INPP5A: variants seen among roughly 807,000 people sequenced by gnomAD.
INPP5A encodes the protein inositol polyphosphate-5-phosphatase A, also known as 43 kDa inositol polyphosphate 5-phophatase.
A neutral mutation model predicts 65.2 loss-of-function variants in INPP5A; 14 were observed. The observed-to-expected ratio is 0.21, with a 90% CI of 0.14 to 0.34. The LOEUF is 0.34. INPP5A is among the 10% of genes least tolerant of loss of function. The pLI is 1.00. For synonymous variants in INPP5A, 207 were observed against 208.3 expected, an observed-to-expected ratio of 0.99 and a Z score of 0.05; for missense variants, 431 against 545.6, an observed-to-expected ratio of 0.79 and a Z score of 2.09.
chr10:132,662,831 G>A (rs1011067885), intron 4 of INPP5A, among the ~76,000 whole-genome samples: 45 of 152,204 alleles, frequency 3.0e-4, no homozygotes, highest in African/African-American at 8.0e-4. Flanking sequence ...GTGTCAAGGG[G>A]CGAAGGGACC....
At chr10:132,735,431 G>A (rs1590968926) in intron 9 of INPP5A, among the ~76,000 whole-genome samples, 2 of 152,258 alleles carry the variant, frequency 1.3e-5, no homozygotes, top group Non-Finnish European at 2.9e-5. Flanking sequence ...AGTGTTCTGG[G>A]AATGCTGGAG....
Position 132,603,594 on chromosome 10 carries a change from TAAG to T in INPP5A, c.76-4318_76-4316del, listed in dbSNP as rs1413614250. Among the ~76,000 whole-genome samples, 1 of 152,232 alleles carries T rather than the reference TAAG, an allele frequency of 6.6e-6. No individual in the cohort carries two copies. Among genetic ancestry groups the T allele is most frequent in the Non-Finnish European group, 1.5e-5 (1 of 68,032 alleles). On this transcript the variant is annotated intron_variant, in intron 1 of 15. Transcript: ENST00000368594. This position sits in a 1 kb window ranked among gnomAD's most constrained non-coding sequence, Gnocchi z 4.2. ...TAAAGCTCTACAATTCCTCTAAGGATAAGAAAACTTTTCTAAACTTGAAGAATG... is the reference window on the plus strand; with the variant it reads ...TAAAGCTCTACAATTCCTCTAAGGATAAAACTTTTCTAAACTTGAAGAATG...
chr10:132,603,336 C>T lies in INPP5A; in HGVS notation c.76-4579C>T, dbSNP rs986363849. Among the ~76,000 whole-genome samples, 1 of 152,156 alleles carries T rather than the reference C, an allele frequency of 6.6e-6. No homozygotes were observed. The highest frequency in any genetic ancestry group is 1.5e-5 in the Non-Finnish European group (1 of 68,030). ...TTTTATAAGGTCTGTTTCTCCCTTC[C>T]CTTCAGAATATGCACTATAGAAAAT... On this transcript the variant is annotated intron_variant, in intron 1 of 15. Transcript: ENST00000368594. This position sits in a 1 kb window ranked among gnomAD's most constrained non-coding sequence, Gnocchi z 4.2.
Position 132,594,308 on chromosome 10 carries a change from C to T in INPP5A, c.76-13607C>T, listed in dbSNP as rs146245190. 7.9e-5 allele frequency among the ~76,000 whole-genome samples: 12 copies of T among 152,322 alleles called. No individual in the cohort carries two copies. The East Asian group carries it at 2.3e-3, about 29-fold the overall frequency. The stretch of plus-strand genomic sequence containing the variant: ...ATGCAATAAAAAAACTGTTCAGTCA[C>T]CAGTAGCCTCATTTAAAGGACAGAC... On this transcript the variant is annotated intron_variant, in intron 1 of 15. Transcript: ENST00000368594.
intron 9 of INPP5A, 147 bp from the exon 10 acceptor site, chr10:132,749,370 C>A: frequency 1.5e-6 from 1 of 680,956 alleles, no homozygotes; most frequent in Non-Finnish European, 2.5e-6. Flanking sequence ...CGGGAGTGGC[C>A]CCTGACCCCA....
At position 132,690,094 on chromosome 10, in the gene INPP5A, G is replaced by A. The variant is rs113467636; in HGVS notation, c.307-298G>A. ...CTGCGCCCCTGCTGGAGCCAGCACC[G>A]GCTGCACGGCTCACCTGGGAAGGGT... On this transcript the variant is annotated intron_variant, in intron 4 of 15. Transcript: ENST00000368594. Among the ~76,000 whole-genome samples the A allele has an allele frequency of 3.6e-3, 552 of 152,124 alleles. 3 individuals are homozygous for A. The highest frequency in any genetic ancestry group is 0.013 in the African/African-American group (533 of 41,426).
rs117902094 is a variant in INPP5A at position 132,547,515 on chromosome 10, C to T, written c.75+9344C>T. Among the ~76,000 whole-genome samples, 2,485 of 152,236 alleles carry T rather than the reference C, an allele frequency of 0.016. 23 individuals carry two copies. Among genetic ancestry groups the T allele is most frequent in the Middle Eastern group, 0.041 (12 of 294 alleles). ...GTGAATATAACCGGGAGGGAGTGCC[C>T]GCCTCTGCCCACCTGCCTGGCATCT... On this transcript the variant is annotated intron_variant, in intron 1 of 15. Transcript: ENST00000368594. The surrounding 1 kb of genome is among the most constrained non-coding windows in gnomAD (Gnocchi z 5.5).
rs1035119197 is a variant in INPP5A at position 132,550,398 on chromosome 10, G to A, written c.75+12227G>A. 2.6e-5 allele frequency among the ~76,000 whole-genome samples: 4 copies of A among 152,200 alleles called. No individual in the cohort carries two copies. Among genetic ancestry groups the A allele is most frequent in the Non-Finnish European group, 5.9e-5 (4 of 68,024 alleles). ...TTTGGGAGTCCAGGTGCAGGTCTCAGCAGCAACTCTGAGGTTCTGCATAGC... is the reference window on the plus strand; with the variant it reads ...TTTGGGAGTCCAGGTGCAGGTCTCAACAGCAACTCTGAGGTTCTGCATAGC... On this transcript the variant is annotated intron_variant, in intron 1 of 15. Coordinates refer to ENST00000368594, the MANE Select transcript of INPP5A (RefSeq NM_005539.5). This position sits in a 1 kb window ranked among gnomAD's most constrained non-coding sequence, Gnocchi z 4.2.
chr10:132,758,356 C>T (rs1205499039), intron 11 of INPP5A, among the ~76,000 whole-genome samples: 4 of 134,600 alleles, frequency 3.0e-5, no homozygotes, highest in South Asian at 5.0e-4. Flanking sequence ...CGTGGGTCCC[C>T]GGCCGACCCC....
intron 4 of INPP5A, among the ~76,000 whole-genome samples, chr10:132,689,082 G>T (rs1054848993): frequency 3.3e-5 from 5 of 152,368 alleles, no homozygotes; most frequent in Admixed American, 2.6e-4. Flanking sequence ...GAATGTGCAA[G>T]AGTGTACAAG....
At chr10:132,726,207 C>A (rs3793670) in intron 8 of INPP5A, among the ~76,000 whole-genome samples, 28,789 of 152,238 alleles carry the variant, frequency 0.19, 3,399 homozygotes, top group East Asian at 0.46. Flanking sequence ...AACATACACA[C>A]ACGTATGCAG....
rs150144567 is a variant in INPP5A at position 132,550,446 on chromosome 10, G to T, written c.75+12275G>T. Among the ~76,000 whole-genome samples, 254 of 152,318 alleles carry T rather than the reference G, an allele frequency of 1.7e-3. 2 individuals carry two copies. Among genetic ancestry groups the T allele is most frequent in the African/African-American group, 5.8e-3 (243 of 41,564 alleles). ...AGCTAGTGCCACCTGTGACACTGCT[G>T]TCACTCCAAGGTGCACCTCACCACA... On this transcript the variant is annotated intron_variant, in intron 1 of 15. Transcript: ENST00000368594. This position sits in a 1 kb window ranked among gnomAD's most constrained non-coding sequence, Gnocchi z 4.2.
intron 12 of INPP5A, among the ~76,000 whole-genome samples, chr10:132,768,992 G>A (rs1260163035): frequency 1.3e-5 from 2 of 152,208 alleles, no homozygotes; most frequent in Non-Finnish European, 2.9e-5. Context: ...GGGAGAGCCC[G>A]CACCTGCTGA....
Position 132,575,007 on chromosome 10 carries a change from C to G in INPP5A, c.76-32908C>G, listed in dbSNP as rs2133290640. ...TGCAGCCCACCTGACGATAGAAACG[C>G]AAAGCACACCTCAGCATATGGTCTG... On this transcript the variant is annotated intron_variant, in intron 1 of 15. Coordinates refer to ENST00000368594, the MANE Select transcript of INPP5A (RefSeq NM_005539.5). The surrounding 1 kb of genome is among the most constrained non-coding windows in gnomAD (Gnocchi z 5.4). 6.6e-6 allele frequency among the ~76,000 whole-genome samples: 1 copy of G among 152,274 alleles called. No individual in the cohort carries two copies. Among genetic ancestry groups the G allele is most frequent in the East Asian group, 1.9e-4 (1 of 5,178 alleles).
chr10:132,761,690 G>A lies in INPP5A; in HGVS notation c.904-4083G>A, dbSNP rs193164347. ...GCCAGTGCGGTGCAGGGACCCAGTC[G>A]GTCACTTTGGAGGGCAGGTCCACAT... On this transcript the variant is annotated intron_variant, in intron 11 of 15. Transcript: ENST00000368594. Among the ~76,000 whole-genome samples, 509 of 152,186 alleles carry A rather than the reference G, an allele frequency of 3.3e-3. 3 individuals are homozygous for A. Among genetic ancestry groups the A allele is most frequent in the African/African-American group, 0.012 (487 of 41,528 alleles).
intron 2 of INPP5A, among the ~76,000 whole-genome samples, chr10:132,630,459 G>C (rs2072250520): frequency 6.6e-6 from 1 of 152,122 alleles, no homozygotes; most frequent in Non-Finnish European, 1.5e-5. Context: ...TTGAGGGGAA[G>C]GCAAGCTCTA....
Position 132,706,474 on chromosome 10 carries a change from A to G in INPP5A, c.475-1839A>G, listed in dbSNP as rs532750644. On this transcript the variant is annotated intron_variant, in intron 6 of 15. Transcript: ENST00000368594. This position sits in a 1 kb window ranked among gnomAD's most constrained non-coding sequence, Gnocchi z 4.7. ...CAAAGAGAAAAACTTTAAAACAGCCAGAGAGAGGAAAACATACATTCAGAG... is the reference window on the plus strand; with the variant it reads ...CAAAGAGAAAAACTTTAAAACAGCCGGAGAGAGGAAAACATACATTCAGAG... Among the ~76,000 whole-genome samples, 183 of 152,384 alleles carry G rather than the reference A, an allele frequency of 1.2e-3. No homozygotes were observed. Among genetic ancestry groups the G allele is most frequent in the African/African-American group, 4.2e-3 (175 of 41,592 alleles).
intron 11 of INPP5A, among the ~76,000 whole-genome samples, chr10:132,754,665 G>A (rs944019789): frequency 2.0e-5 from 3 of 152,252 alleles, no homozygotes; most frequent in Non-Finnish European, 2.9e-5. Context: ...TGGGAAAGTG[G>A]CCTTGGTCCA....
chr10:132,586,052 G>T lies in INPP5A; in HGVS notation c.76-21863G>T, dbSNP rs1031803978. On this transcript the variant is annotated intron_variant, in intron 1 of 15. Coordinates refer to ENST00000368594, the MANE Select transcript of INPP5A (RefSeq NM_005539.5). Reference sequence around the variant, plus strand: ...GACCTGGCCAGCGCTTCTGTCCGGGGGCCAGTGGTCAGGTGATCTTAGGGA... The same window carrying T: ...GACCTGGCCAGCGCTTCTGTCCGGGTGCCAGTGGTCAGGTGATCTTAGGGA... 7.9e-5 allele frequency among the ~76,000 whole-genome samples: 12 copies of T among 152,306 alleles called. No homozygotes were observed. The East Asian group carries it at 2.1e-3, about 27-fold the overall frequency.
Sources: gnomAD v4.1 joint callset for allele counts (sites outside exome capture counted in the v4.1 genomes callset) on GRCh38, gnomAD v4.1.1 for gene constraint, Gnocchi (gnomAD v3.1) non-coding constraint, MANE v1.5 for transcripts, NCBI Gene and HGNC (gene_info 2026-07-23, HGNC 2026-07-21) for gene names.